TET1: variants seen among roughly 807,000 people sequenced by gnomAD.
TET1 encodes methylcytosine dioxygenase TET1.
A neutral mutation model predicts 148.7 loss-of-function variants in TET1; 13 were observed. The ratio of observed to expected loss-of-function variants is 0.09; its 90% CI spans 0.06 to 0.14. TET1 has a LOEUF of 0.14. Ranked by LOEUF, TET1 falls within the 10% of genes least tolerant of loss-of-function variation. The pLI is 1.00. For missense variants in TET1, 2,182 were observed against 2,553.8 expected (o/e 0.85, Z 3.14); for synonymous variants, 907 against 937.2 (o/e 0.97, Z 0.59).
chr10:68,624,531 T>C (rs2054424807), intron 3 of TET1, among the ~76,000 whole-genome samples: 1 of 151,282 alleles, frequency 6.6e-6, no homozygotes, highest in Non-Finnish European at 1.5e-5. Context: ...TCAGGTGATC[T>C]GCCCACCTCA....
rs372577394 is a variant in TET1, at chr10:68,672,540, G to C, written c.4674-355G>C. On this transcript the variant is annotated intron_variant, in intron 7 of 11. Coordinates refer to ENST00000373644, the MANE Select transcript of TET1 (RefSeq NM_030625.3). ...CAAAAAAAAAAAAAAGAAAAACCCA[G>C]GTTCTTTATTTCCCTATCTCAGACA... is the stretch of plus-strand genomic sequence containing the variant. Among the ~76,000 whole-genome samples, 9 of 135,428 alleles carry C rather than the reference G, an allele frequency of 6.6e-5. No homozygotes were observed. In the East Asian group the frequency reaches 1.9e-3, roughly 29 times the overall value. 88.8% of individuals were successfully genotyped at this position (135,428 alleles called of 152,430 possible).
intron 3 of TET1, among the ~76,000 whole-genome samples, chr10:68,617,928 T>G (rs1479095012): frequency 6.6e-6 from 1 of 152,080 alleles, no homozygotes; most frequent in Non-Finnish European, 1.5e-5. Context: ...TTTCTCTTTT[T>G]TTTTTTTTAA....
chr10:68,636,606 C>T (rs780434194), intron 3 of TET1, among the ~76,000 whole-genome samples: 7 of 152,098 alleles, frequency 4.6e-5, no homozygotes, highest in East Asian at 1.9e-4. Flanking sequence ...CCTGAGAGAT[C>T]GAGACTGTAG....
At chr10:68,562,118 G>A (rs2053561401) in intron 1 of TET1, among the ~76,000 whole-genome samples, 1 of 152,204 alleles carries the variant, frequency 6.6e-6, no homozygotes, top group Admixed American at 6.5e-5. Flanking sequence ...GCCCTGGGCC[G>A]GCGGGGTGAG....
chr10:68,669,252 CA>C (rs61048539), intron 7 of TET1, among the ~76,000 whole-genome samples: 126,775 of 149,320 alleles, frequency 0.85, 55,308 homozygotes, highest in East Asian at 0.98. Context: ...CCACCCCCCA[CA>C]AAAAAAAAAC....
chr10:68,604,349 A>C (rs2054095684), intron 3 of TET1, among the ~76,000 whole-genome samples: 2 of 152,224 alleles, frequency 1.3e-5, no homozygotes, highest in Admixed American at 1.3e-4. Flanking sequence ...GAGTTTAATA[A>C]AGGAATTACT....
chr10:68,629,475 A>G (rs889537435), intron 3 of TET1, among the ~76,000 whole-genome samples: 1 of 150,110 alleles, frequency 6.7e-6, no homozygotes, highest in Non-Finnish European at 1.5e-5. Context: ...TTTAGCTTGT[A>G]AGTATTTTTG....
intron 1 of TET1, among the ~76,000 whole-genome samples, chr10:68,567,161 G>A (rs1411424447): frequency 6.6e-6 from 1 of 151,468 alleles, no homozygotes; most frequent in Non-Finnish European, 1.5e-5. Context: ...TGAAACCAGT[G>A]CCACTAGTTT....
At chr10:68,598,967 G>A (rs1039226869) in intron 2 of TET1, among the ~76,000 whole-genome samples, 3 of 152,048 alleles carry the variant, frequency 2.0e-5, no homozygotes, top group African/African-American at 4.8e-5. Context: ...GATTACAGGC[G>A]TGAGCCACTG....
chr10:68,663,526 T>C (rs1232621472), intron 6 of TET1, among the ~76,000 whole-genome samples: 1 of 152,200 alleles, frequency 6.6e-6, no homozygotes, highest in Non-Finnish European at 1.5e-5. Flanking sequence ...TTGAAAAATA[T>C]TCTAGAAAGA....
rs1235768778 is a variant in TET1, at chr10:68,691,519, A to G, written c.6116A>G (p.Asn2039Ser). The change falls in exon 12 of 12, where the codon AAT becomes AGT. Residue 2039 changes from asparagine to serine, a missense_variant. Transcript: ENST00000373644. The surrounding 1 kb of genome is among the most constrained non-coding windows in gnomAD (Gnocchi z 4.4). ...ATTPVEHPNRNHPTRLSLVFY... is the reference protein window; with the variant it reads ...ATTPVEHPNRSHPTRLSLVFY... Reference sequence around the variant, plus strand: ...ACTCCTGTTGAGCACCCCAACCGTAATCATCCAACCCGCCTCTCCCTTGTC... The same window carrying G: ...ACTCCTGTTGAGCACCCCAACCGTAGTCATCCAACCCGCCTCTCCCTTGTC... 10 of 1,613,886 alleles carry G rather than the reference A, an allele frequency of 6.2e-6. No individual in the cohort carries two copies. Among genetic ancestry groups the G allele is most frequent in the Non-Finnish European group, 7.6e-6 (9 of 1,180,006 alleles).
rs962434808 is a variant in TET1, at chr10:68,655,567, G to C, written c.4461+2973G>C. Among the ~76,000 whole-genome samples, 28 of 152,294 alleles carry C rather than the reference G, an allele frequency of 1.8e-4. 1 individual carries two copies. Among genetic ancestry groups the C allele is most frequent in the Non-Finnish European group, 3.2e-4 (22 of 68,028 alleles). On this transcript the variant is annotated intron_variant, in intron 6 of 11. Coordinates refer to ENST00000373644, the MANE Select transcript of TET1 (RefSeq NM_030625.3). ...GAAATGTAACTAGGCTTATTGGTGG[G>C]ATTGGGATGATTTCTTTTTCCTCTC...
intron 2 of TET1, among the ~76,000 whole-genome samples, chr10:68,598,677 A>T (rs1309413290): frequency 1.4e-5 from 2 of 141,258 alleles, no homozygotes; most frequent in Non-Finnish European, 3.1e-5. Context: ...CATATTCATT[A>T]GGTTTTTTTT....
intron 3 of TET1, among the ~76,000 whole-genome samples, chr10:68,624,394 A>G (rs1225606008): frequency 6.6e-6 from 1 of 152,010 alleles, no homozygotes; most frequent in Non-Finnish European, 1.5e-5. Flanking sequence ...GGTTCAAGCA[A>G]TTCTCCTGCC....
At position 68,666,301 on chromosome 10, in the gene TET1, A is replaced by G. The variant is rs543469874; in HGVS notation, c.4462-744A>G. Among the ~76,000 whole-genome samples, 12 of 152,346 alleles carry G rather than the reference A, an allele frequency of 7.9e-5. No homozygotes were observed. In the East Asian group the frequency reaches 2.1e-3, roughly 27 times the overall value. On this transcript the variant is annotated intron_variant, in intron 6 of 11. Coordinates refer to ENST00000373644, the MANE Select transcript of TET1 (RefSeq NM_030625.3). The stretch of plus-strand genomic sequence containing the variant: ...CACATTAGTCTTATGAATAAAATGC[A>G]TATAATGCATCCTTCCAATAACATG...
chr10:68,564,095 G>A (rs1394730033), intron 1 of TET1, among the ~76,000 whole-genome samples: 1 of 151,528 alleles, frequency 6.6e-6, no homozygotes, highest in Non-Finnish European at 1.5e-5. Context: ...ATTTTGGATT[G>A]CATACTCTGT....
Position 68,606,104 on chromosome 10 carries a change from T to C in TET1, c.1968+5070T>C, listed in dbSNP as rs74716578. Among the ~76,000 whole-genome samples, 11 of 151,574 alleles carry C rather than the reference T, an allele frequency of 7.3e-5. No individual in the cohort carries two copies. The East Asian group carries it at 1.7e-3, about 24-fold the overall frequency. On this transcript the variant is annotated intron_variant, in intron 3 of 11. Transcript: ENST00000373644. The stretch of plus-strand genomic sequence containing the variant: ...TAAATAGGCCAGGTTCGGTGGCTCA[T>C]GTCTGTAATCCCAGCACTTTGAGAG...
At chr10:68,561,737 C>T (rs2053556881) in intron 1 of TET1, among the ~76,000 whole-genome samples, 1 of 137,788 alleles carries the variant, frequency 7.3e-6, no homozygotes, top group South Asian at 2.7e-4. Context: ...CTCTCTCGCC[C>T]CAGGCTCTTG....
At position 68,691,077 on chromosome 10, in the gene TET1, A is replaced by G; in HGVS notation, c.5674A>G (p.Asn1892Asp). Reference sequence around the variant, plus strand: ...GCCTTCGGGAAGACTCAGTGGTGCCAATGCAGCTGCTGCTGATGGCCCTGG... The same window carrying G: ...GCCTTCGGGAAGACTCAGTGGTGCCGATGCAGCTGCTGCTGATGGCCCTGG... ...TMPSGRLSGA[N>D]AAAADGPGIS... The change falls in exon 12 of 12, where the codon AAT (asparagine) becomes GAT (aspartate). Residue 1892 changes from asparagine (N) to aspartate (D), a missense_variant. Asn to Asp is a conservative substitution (Grantham distance 23). Around this residue, in one of 11 missense-constraint regions of TET1, gnomAD observed 380 missense variants for 387.9 expected, o/e 0.98. Coordinates refer to ENST00000373644, the MANE Select transcript of TET1 (RefSeq NM_030625.3). This position sits in a 1 kb window ranked among gnomAD's most constrained non-coding sequence, Gnocchi z 4.4. 3 of 1,614,176 alleles carry G rather than the reference A, an allele frequency of 1.9e-6. No individual in the cohort carries two copies. The highest frequency in any genetic ancestry group is 2.5e-6 in the Non-Finnish European group (3 of 1,180,024).
Sources: allele counts gnomAD v4.1 joint callset (sites outside exome capture counted in the v4.1 genomes callset), GRCh38; gene constraint gnomAD v4.1.1; regional missense constraint gnomAD v4.1.1; non-coding constraint Gnocchi (gnomAD v3.1); transcripts MANE v1.5; gene names NCBI Gene and HGNC (gene_info 2026-07-23, HGNC 2026-07-21).